Variants in DEPTOR observed in about 807,000 individuals in gnomAD.
The protein encoded by DEPTOR is DEP domain containing MTOR interacting protein.
Under a neutral mutation model 41.6 loss-of-function variants are expected in DEPTOR, and 41 were observed. The observed-to-expected ratio is 0.98, with a 90% CI of 0.77 to 1.28. The LOEUF (loss-of-function observed/expected upper bound fraction) is 1.28. Among genes scored for constraint, DEPTOR ranks in the 50% most tolerant of loss-of-function variants. DEPTOR has a pLI of 0.00. For synonymous variants in DEPTOR, 195 were observed against 192.3 expected, an observed-to-expected ratio of 1.01 and a Z score of -0.12; for missense variants, 514 against 527.9, an observed-to-expected ratio of 0.97 and a Z score of 0.26.
chr8:120,021,190 G>T (rs1439645835), intron 8 of DEPTOR, among the ~76,000 whole-genome samples: 1 of 152,004 alleles, frequency 6.6e-6, no homozygotes, highest in Non-Finnish European at 1.5e-5. Context: ...ATTACCTGAG[G>T]TTATTAGTTC....
At chr8:120,008,446 T>G (rs1044666226) in intron 7 of DEPTOR, among the ~76,000 whole-genome samples, 2 of 148,278 alleles carry the variant, frequency 1.3e-5, no homozygotes, top group East Asian at 4.2e-4. Context: ...GGAGAATCGC[T>G]TGAACCCGGG....
intron 8 of DEPTOR, among the ~76,000 whole-genome samples, chr8:120,022,591 A>G (rs1812737091): frequency 6.6e-6 from 1 of 152,234 alleles, no homozygotes; most frequent in African/African-American, 2.4e-5. Context: ...TCCAGGTCAC[A>G]TCCAAATAAC....
chr8:119,941,099 C>G (rs557149672), intron 3 of DEPTOR, among the ~76,000 whole-genome samples: 1 of 151,872 alleles, frequency 6.6e-6, no homozygotes, highest in African/African-American at 2.4e-5. Context: ...TGGGGCTGGG[C>G]GTGGTGGCAG....
intron 3 of DEPTOR, among the ~76,000 whole-genome samples, chr8:119,960,535 A>G (rs1828476779): frequency 6.6e-6 from 1 of 152,192 alleles, no homozygotes; most frequent in African/African-American, 2.4e-5. Context: ...TCATCAGTTC[A>G]TAGCTATGAA....
intron 8 of DEPTOR, among the ~76,000 whole-genome samples, chr8:120,011,059 T>A (rs896317359): frequency 2.0e-5 from 3 of 152,196 alleles, no homozygotes; most frequent in African/African-American, 7.2e-5. Flanking sequence ...CTTCCATCAG[T>A]CTTTTCCTAG....
intron 1 of DEPTOR, among the ~76,000 whole-genome samples, chr8:119,898,769 G>T (rs952369940): frequency 6.6e-5 from 10 of 151,944 alleles, no homozygotes; most frequent in African/African-American, 2.4e-4. Context: ...GCAAGCTTAG[G>T]GACATTGTGA....
At chr8:120,038,656 G>GAAAAT (rs1813015256) in intron 8 of DEPTOR, among the ~76,000 whole-genome samples, 2 of 151,160 alleles carry the variant, frequency 1.3e-5, no homozygotes. Flanking sequence ...GAAAAGAAAA[G>GAAAAT]AGGTGCTTAG....
chr8:119,962,241 A>G (rs1230747716), intron 3 of DEPTOR, among the ~76,000 whole-genome samples: 1 of 152,120 alleles, frequency 6.6e-6, no homozygotes, highest in African/African-American at 2.4e-5. Context: ...TGGGTGACAG[A>G]GCAAGACTCT....
At position 120,006,836 on chromosome 8, in the gene DEPTOR, C is replaced by T. The variant is rs1812446160; in HGVS notation, c.957C>T (p.Leu319=). The T allele has an allele frequency of 6.2e-7, 1 of 1,614,028 alleles. No homozygotes were observed. The highest frequency in any genetic ancestry group is 1.7e-5 in the Admixed American group (1 of 59,998). Residue 319 remains leucine (L), a synonymous_variant, in exon 7 of 9, where the codon CTC becomes CTT. Transcript: ENST00000286234. ...VLKRPVTSEE[L]LTPGAPYARK... ...AGAGACCTGTCACCTCTGAGGAACT[C>T]CTTACTCCCGGGGCTCCGTATGCAA...
At chr8:120,017,759 T>C (rs1812635824) in intron 8 of DEPTOR, among the ~76,000 whole-genome samples, 1 of 152,234 alleles carries the variant, frequency 6.6e-6, no homozygotes, top group South Asian at 2.1e-4. Flanking sequence ...ATATCCTTGC[T>C]CTTTTCTGGA....
chr8:119,894,558 G>T (rs1368499910), intron 1 of DEPTOR, among the ~76,000 whole-genome samples: 2 of 151,930 alleles, frequency 1.3e-5, no homozygotes, highest in East Asian at 3.9e-4. Flanking sequence ...CACTATGCCC[G>T]GCTAATTTTT....
At chr8:120,007,040 G>T (rs1188159754) in intron 7 of DEPTOR, among the ~76,000 whole-genome samples, 165 bp downstream of exon 7, 1 of 152,136 alleles carries the variant, frequency 6.6e-6, no homozygotes, top group South Asian at 2.1e-4. Context: ...AAGGCACTAA[G>T]GTGCATTAGG....
chr8:119,973,846 CTT>C (rs1563578911), intron 4 of DEPTOR, among the ~76,000 whole-genome samples: 2 of 152,140 alleles, frequency 1.3e-5, no homozygotes, highest in Non-Finnish European at 2.9e-5. Context: ...CATACATTAT[CTT>C]TTTAATCCTC....
intron 4 of DEPTOR, among the ~76,000 whole-genome samples, chr8:119,973,892 C>G (rs1271574245): frequency 6.6e-6 from 1 of 152,116 alleles, no homozygotes; most frequent in Non-Finnish European, 1.5e-5. Context: ...ATTATCTCAT[C>G]CTTCAGTGGA....
chr8:119,960,223 CA>C (rs1298586426), intron 3 of DEPTOR, among the ~76,000 whole-genome samples: 41 of 137,776 alleles, frequency 3.0e-4, no homozygotes, highest in South Asian at 4.6e-4. Context: ...GACTCCCTCT[CA>C]AAAAAAAAAA....
At chr8:120,001,380 G>A (rs1028250382) in intron 4 of DEPTOR, 145 bp from the exon 5 acceptor site, 22 of 659,862 alleles carry the variant, frequency 3.3e-5, no homozygotes, top group Non-Finnish European at 4.4e-5. Flanking sequence ...AACCATGGGC[G>A]GATGGGCGGC....
chr8:119,991,090 T>TTTCTTTCTTTCTTTC (rs1563584682), intron 4 of DEPTOR, among the ~76,000 whole-genome samples: 4 of 90,798 alleles, frequency 4.4e-5, no homozygotes, highest in African/African-American at 1.2e-4. Context: ...TTCTTTCTTT[T>TTTCTTTCTTTCTTTC]TCTTTCTTTC....
At chr8:119,903,812 C>T (rs943484118) in intron 1 of DEPTOR, among the ~76,000 whole-genome samples, 1 of 152,164 alleles carries the variant, frequency 6.6e-6, no homozygotes, top group Non-Finnish European at 1.5e-5. Flanking sequence ...CAGGACTGTG[C>T]CACCCAAACA....
At chr8:119,932,320 T>A (rs1402107201) in intron 3 of DEPTOR, among the ~76,000 whole-genome samples, 2 of 152,200 alleles carry the variant, frequency 1.3e-5, no homozygotes, top group African/African-American at 4.8e-5. Context: ...TCTTGGGATC[T>A]GCATAACCAC....
Sources: gnomAD v4.1 joint callset for allele counts (sites outside exome capture counted in the v4.1 genomes callset) on GRCh38, gnomAD v4.1.1 for gene constraint, MANE v1.5 for transcripts, NCBI Gene and HGNC (gene_info 2026-07-23, HGNC 2026-07-21) for gene names.